Variants in MYLIP observed in about 807,000 individuals in gnomAD.
MYLIP encodes the protein E3 ubiquitin-protein ligase MYLIP.
MYLIP carries 26 observed loss-of-function variants against 45.8 expected under a neutral mutation model. The ratio of observed to expected loss-of-function variants is 0.57; its 90% CI spans 0.42 to 0.79. MYLIP has a LOEUF of 0.79. Ranked by LOEUF, MYLIP falls within the 30% of genes least tolerant of loss-of-function variation. The probability of loss-of-function intolerance (pLI) is 0.00; values close to 1 mark genes in which losing one functional copy is unlikely to be tolerated. For missense variants in MYLIP, 494 were observed against 555.6 expected (o/e 0.89, Z 1.11); for synonymous variants, 213 against 218.1 (o/e 0.98, Z 0.21).
At chr6:16,137,527 T>G (rs968797847) in intron 2 of MYLIP, among the ~76,000 whole-genome samples, 1 of 152,252 alleles carries the variant, frequency 6.6e-6, no homozygotes, top group Admixed American at 6.5e-5. Flanking sequence ...AATCTGGATA[T>G]AGTTATTTTA....
At chr6:16,130,879 A>C (rs937492018) in intron 2 of MYLIP, 132 bp downstream of exon 2, 29 of 881,386 alleles carry the variant, frequency 3.3e-5, no homozygotes, top group African/African-American at 5.1e-5. Context: ...TAGGTTTTCC[A>C]TGCAGGTCCT....
At chr6:16,162,923 G>A in the MYLIP span, among the ~76,000 whole-genome samples, 2 of 151,994 alleles carry the variant, frequency 1.3e-5, no homozygotes, top group Non-Finnish European at 2.9e-5. Context: ...GAGCTAGAGG[G>A]CAGGGATTCA....
At chr6:16,142,770 TAA>T (rs1253025192) in intron 3 of MYLIP, among the ~76,000 whole-genome samples, 1 of 152,246 alleles carries the variant, frequency 6.6e-6, no homozygotes, top group Non-Finnish European at 1.5e-5. Context: ...AGACTTTCCA[TAA>T]TTCTTCCAAT....
intron 2 of MYLIP, among the ~76,000 whole-genome samples, chr6:16,137,556 CTTA>C: frequency 6.6e-6 from 1 of 152,308 alleles, no homozygotes; most frequent in East Asian, 1.9e-4. Context: ...ATTAAAAGCT[CTTA>C]AAAATGGTGT....
At chr6:16,153,413 C>A in the MYLIP span, among the ~76,000 whole-genome samples, 1 of 152,176 alleles carries the variant, frequency 6.6e-6, no homozygotes, top group Non-Finnish European at 1.5e-5. Context: ...AGTTCTAAAT[C>A]CTAGGAGGAT....
At chr6:16,133,704 A>C (rs1309139868) in intron 2 of MYLIP, among the ~76,000 whole-genome samples, 1 of 152,240 alleles carries the variant, frequency 6.6e-6, no homozygotes, top group East Asian at 1.9e-4. Flanking sequence ...TATATGCTTC[A>C]TCTTCACAAT....
chr6:16,130,833 G>A, intron 2 of MYLIP, 86 bp downstream of exon 2: 1 of 1,340,220 alleles, frequency 7.5e-7, no homozygotes, highest in African/African-American at 1.5e-5. Context: ...GATACTCACA[G>A]GCAAGTTTGT....
chr6:16,153,233 T>C (rs536696851), downstream of MYLIP, among the ~76,000 whole-genome samples: 2 of 152,306 alleles, frequency 1.3e-5, no homozygotes, highest in South Asian at 2.1e-4. Context: ...CAGGTAATCA[T>C]TTAGAATTTA....
chr6:16,142,367 T>C (rs1759691826), intron 3 of MYLIP, among the ~76,000 whole-genome samples: 1 of 152,266 alleles, frequency 6.6e-6, no homozygotes, highest in Non-Finnish European at 1.5e-5. Flanking sequence ...AAATCTATTA[T>C]GTATATTGGT....
chr6:16,143,810 C>G lies in MYLIP; in HGVS notation c.774C>G (p.Thr258=), dbSNP rs1418610819. Residue 258 remains threonine (T), a synonymous_variant, in exon 5 of 7, where the codon ACC becomes ACG. Transcript: ENST00000356840. ...TGCTCTTGTTTAAAATGATCAGCAC[C>G]AGGGCGGCCAGCGGGCTCTACCGAG... The part of the protein sequence containing the change: ...SIVLLFKMIS[T]RAASGLYRAI... The G allele has an allele frequency of 2.5e-6, 4 of 1,613,492 alleles. No individual in the cohort carries two copies. The highest frequency in any genetic ancestry group is 3.4e-6 in the Non-Finnish European group (4 of 1,179,944).
chr6:16,141,442 G>A (rs1225185489), intron 2 of MYLIP, 183 bp from the exon 3 acceptor site: 4 of 466,276 alleles, frequency 8.6e-6, no homozygotes, highest in Admixed American at 3.9e-5. Flanking sequence ...CCAGAGAAAC[G>A]CAGTTCTTAT....
intron 2 of MYLIP, among the ~76,000 whole-genome samples, chr6:16,137,059 T>C (rs1210560215): frequency 1.3e-5 from 2 of 152,204 alleles, no homozygotes; most frequent in Non-Finnish European, 2.9e-5. Context: ...TCTTCTTTTG[T>C]GGTTTTTGCT....
the MYLIP span, chr6:16,161,127 G>A: frequency 1.2e-5 from 2 of 162,770 alleles, no homozygotes; most frequent in African/African-American, 2.4e-5. Flanking sequence ...TCACCCTCAA[G>A]ATCTATTCCA....
intron 1 of MYLIP, among the ~76,000 whole-genome samples, chr6:16,130,222 T>C (rs1759430543): frequency 6.6e-6 from 1 of 152,144 alleles, no homozygotes; most frequent in African/African-American, 2.4e-5. Flanking sequence ...CTGTGCAGAG[T>C]ATGCTGGTGG....
chr6:16,141,533 T>A, intron 2 of MYLIP, 92 bp from the exon 3 acceptor site: 1 of 1,212,672 alleles, frequency 8.2e-7, no homozygotes. Context: ...TTAAAATTGC[T>A]TTCCTTAAAA....
At chr6:16,151,356 C>CA (rs35224127), downstream of MYLIP, among the ~76,000 whole-genome samples, 32,733 of 137,626 alleles carry the variant, frequency 0.24, 3,734 homozygotes, top group Admixed American at 0.3. Flanking sequence ...GACTCCATCT[C>CA]AAAAAAAAAA....
chr6:16,145,355 A>G, intron 6 of MYLIP, 38 bp downstream of exon 6: 17 of 1,540,118 alleles, frequency 1.1e-5, no homozygotes, highest in Non-Finnish European at 1.5e-5. Flanking sequence ...CTGCAGCCTC[A>G]CCTATCCCTC....
At chr6:16,135,498 T>A (rs1336980752) in intron 2 of MYLIP, among the ~76,000 whole-genome samples, 2 of 152,064 alleles carry the variant, frequency 1.3e-5, no homozygotes, top group Non-Finnish European at 2.9e-5. Flanking sequence ...AGGATCTCCT[T>A]AAGCCTACAT....
At chr6:16,154,103 A>C in the MYLIP span, among the ~76,000 whole-genome samples, 2 of 152,146 alleles carry the variant, frequency 1.3e-5, no homozygotes, top group African/African-American at 4.8e-5. Flanking sequence ...TTCCCTCTTC[A>C]TATCACCTCT....
Sources: allele counts gnomAD v4.1 joint callset (sites outside exome capture counted in the v4.1 genomes callset), GRCh38; gene constraint gnomAD v4.1.1; transcripts MANE v1.5; gene names NCBI Gene and HGNC (gene_info 2026-07-23, HGNC 2026-07-21).